The following ASIC2 variants were observed in gnomAD, a reference collection of about 807,000 sequenced individuals.
The protein encoded by ASIC2 is acid sensing ion channel subunit 2.
ASIC2 carries 25 observed loss-of-function variants against 57.3 expected under a neutral mutation model. That is an observed-to-expected ratio of 0.44 (90% CI 0.32 to 0.61). The LOEUF (loss-of-function observed/expected upper bound fraction) is 0.61, where lower values mean the gene tolerates loss of function less well. ASIC2 is among the 20% of genes least tolerant of loss of function. The pLI is 0.06. For missense variants in ASIC2, 641 were observed against 738.1 expected (o/e 0.87, Z 1.52); for synonymous variants, 319 against 307.5 (o/e 1.04, Z -0.39).
intron 1 of ASIC2, among the ~76,000 whole-genome samples, chr17:33,535,352 A>C (rs976917312): frequency 6.6e-6 from 1 of 150,540 alleles, no homozygotes; most frequent in Non-Finnish European, 1.5e-5. Context: ...GGCTCACTGC[A>C]AGCTCTGCCT....
chr17:33,968,660 T>G (rs1002063963), intron 1 of ASIC2, among the ~76,000 whole-genome samples: 1 of 152,144 alleles, frequency 6.6e-6, no homozygotes, highest in African/African-American at 2.4e-5. Context: ...GGGCTTCAGC[T>G]CCGTTGGGCT....
intron 1 of ASIC2, among the ~76,000 whole-genome samples, chr17:33,937,134 C>T (rs1374044444): frequency 2.0e-5 from 3 of 152,210 alleles, no homozygotes; most frequent in Non-Finnish European, 4.4e-5. Flanking sequence ...TGAAGTCTCA[C>T]TCTGTCACCC....
At chr17:33,182,604 G>A (rs1357330526) in intron 1 of ASIC2, among the ~76,000 whole-genome samples, 1 of 152,114 alleles carries the variant, frequency 6.6e-6, no homozygotes, top group Non-Finnish European at 1.5e-5. Flanking sequence ...CCCTGCCTGT[G>A]TTGAGTACAT....
At chr17:33,161,549 T>G (rs1474498575) in intron 1 of ASIC2, among the ~76,000 whole-genome samples, 1 of 152,230 alleles carries the variant, frequency 6.6e-6, no homozygotes, top group Admixed American at 6.5e-5. Context: ...ACTTATCCAT[T>G]CTCAAATATT....
chr17:33,251,467 C>T (rs1369426165), intron 1 of ASIC2, among the ~76,000 whole-genome samples: 5 of 152,178 alleles, frequency 3.3e-5, no homozygotes, highest in African/African-American at 1.2e-4. Flanking sequence ...GTAACTGAGA[C>T]TACAGGTGTA....
chr17:34,084,131 T>C (rs1350003400), intron 1 of ASIC2, among the ~76,000 whole-genome samples: 1 of 151,936 alleles, frequency 6.6e-6, no homozygotes, highest in East Asian at 1.9e-4. Context: ...GCTGAGGTTT[T>C]CTTCTAGGGT....
intron 1 of ASIC2, among the ~76,000 whole-genome samples, chr17:33,854,266 G>A (rs1201096672): frequency 6.6e-6 from 1 of 152,190 alleles, no homozygotes; most frequent in Non-Finnish European, 1.5e-5. Flanking sequence ...AGTTTAGTGG[G>A]TGGCATGTCT....
At chr17:33,597,574 CAG>C (rs754695356) in intron 1 of ASIC2, among the ~76,000 whole-genome samples, 23 of 151,942 alleles carry the variant, frequency 1.5e-4, no homozygotes, top group South Asian at 2.1e-4. Flanking sequence ...GTTTACAAAA[CAG>C]AAAGTTCTAT....
In ASIC2 at chr17:33,751,725, C is replaced by G. The variant is rs887876471; in HGVS notation, c.555+404253G>C. On this transcript the variant is annotated intron_variant, in intron 1 of 9. Coordinates refer to the ASIC2 transcript ENST00000359872. ...TCCCGATTTCATTTAATTCTAGTTTCCCCTGCTCCCTGCATAGAATGACTT... is the reference window on the plus strand; with the variant it reads ...TCCCGATTTCATTTAATTCTAGTTTGCCCTGCTCCCTGCATAGAATGACTT... 2.6e-5 allele frequency among the ~76,000 whole-genome samples: 4 copies of G among 152,094 alleles called. No individual in the cohort carries two copies. In the East Asian group the frequency reaches 7.7e-4, roughly 29 times the overall value.
intron 3 of ASIC2, among the ~76,000 whole-genome samples, chr17:33,082,521 A>G (rs185434768): frequency 1.3e-5 from 2 of 152,260 alleles, no homozygotes; most frequent in African/African-American, 4.8e-5. Context: ...CAAAGTGGTG[A>G]AACCACGTCT....
At chr17:33,509,489 C>T (rs1019119912) in intron 1 of ASIC2, among the ~76,000 whole-genome samples, 5 of 152,224 alleles carry the variant, frequency 3.3e-5, no homozygotes, top group Non-Finnish European at 5.9e-5. Context: ...ATGCTCTTCC[C>T]TCCCACACTG....
At chr17:33,023,735 A>G (rs974288236) in intron 6 of ASIC2, 126 bp downstream of exon 6, 164 of 1,264,434 alleles carry the variant, frequency 1.3e-4, no homozygotes, top group Middle Eastern at 1.9e-4. Context: ...TGACACACAG[A>G]GGGTGTTCAA....
At chr17:33,709,276 G>A (rs1447296441) in intron 1 of ASIC2, among the ~76,000 whole-genome samples, 3 of 152,146 alleles carry the variant, frequency 2.0e-5, no homozygotes, top group African/African-American at 7.2e-5. Context: ...GCTCAATAAT[G>A]CCCTCCTCCC....
At chr17:33,206,777 A>G (rs889996635) in intron 1 of ASIC2, among the ~76,000 whole-genome samples, 1 of 152,120 alleles carries the variant, frequency 6.6e-6, no homozygotes, top group Non-Finnish European at 1.5e-5. Context: ...GCTGTTTTTA[A>G]ACTGATCCTG....
intron 3 of ASIC2, among the ~76,000 whole-genome samples, chr17:33,076,013 C>T (rs2092087833): frequency 6.6e-6 from 1 of 152,200 alleles, no homozygotes; most frequent in South Asian, 2.1e-4. Flanking sequence ...TGAATCTCAT[C>T]TAATCCCCTG....
chr17:33,134,802 A>G (rs2092361509), intron 1 of ASIC2, among the ~76,000 whole-genome samples: 2 of 152,202 alleles, frequency 1.3e-5, no homozygotes, highest in Non-Finnish European at 2.9e-5. Context: ...GGGGAACTCC[A>G]TCATAGCCCC....
intron 1 of ASIC2, among the ~76,000 whole-genome samples, chr17:33,726,872 G>T (rs1909578291): frequency 6.6e-6 from 1 of 152,212 alleles, no homozygotes; most frequent in South Asian, 2.1e-4. Flanking sequence ...CAGAAAGAAG[G>T]TTCAGAGATA....
intron 1 of ASIC2, among the ~76,000 whole-genome samples, chr17:33,279,889 G>T (rs1403250153): frequency 6.6e-6 from 1 of 152,028 alleles, no homozygotes. Context: ...GTTGTCCTGA[G>T]GATTAAAGAA....
At chr17:33,086,248 T>C (rs2092133491) in intron 3 of ASIC2, among the ~76,000 whole-genome samples, 1 of 152,164 alleles carries the variant, frequency 6.6e-6, no homozygotes, top group South Asian at 2.1e-4. Flanking sequence ...AACTTCCTCC[T>C]CTCCACCCCT....
Sources: allele counts gnomAD v4.1 joint callset (sites outside exome capture counted in the v4.1 genomes callset), GRCh38; gene constraint gnomAD v4.1.1; transcripts MANE v1.5; gene names NCBI Gene and HGNC (gene_info 2026-07-23, HGNC 2026-07-21).